The following HACE1 variants were observed in gnomAD, a reference collection of about 807,000 sequenced individuals.
HACE1 encodes the protein E3 ubiquitin-protein ligase HACE1.
Under a neutral mutation model 118.4 loss-of-function variants are expected in HACE1, and 73 were observed. That is an observed-to-expected ratio of 0.62 (90% CI 0.51 to 0.75). The LOEUF (loss-of-function observed/expected upper bound fraction) is 0.75. Ranked by LOEUF, HACE1 falls within the 30% of genes least tolerant of loss-of-function variation. The pLI, the probability that HACE1 is intolerant of heterozygous loss-of-function variation, is 0.00. For synonymous variants in HACE1, 368 were observed against 374.8 expected (o/e 0.98, Z 0.21); for missense variants, 749 against 1,102.2 (o/e 0.68, Z 4.54).
chr6:104,843,321 G>A lies in HACE1; in HGVS notation c.327-23C>T, dbSNP rs761034766. 1.4e-5 allele frequency: 15 copies of A among 1,072,430 alleles called. No individual in the cohort carries two copies. The Admixed American group carries it at 2.5e-4, about 18-fold the overall frequency. The allele number at this position is 1,072,430 out of a possible 1,614,324, so 66.4% of individuals were successfully genotyped here. On this transcript the variant is annotated intron_variant, in intron 4 of 23. Coordinates refer to ENST00000262903, the MANE Select transcript of HACE1 (RefSeq NM_020771.4). The stretch of plus-strand genomic sequence containing the variant: ...TGCCTGAAAAGAAAAAAGAGTCATG[G>A]ATAACTGGTACTTAAAAAATATATG...
Position 104,744,556 on chromosome 6 carries a change from T to G in HACE1, c.2398A>C (p.Thr800Pro). 6.2e-7 allele frequency: 1 copy of G among 1,606,128 alleles called. No individual in the cohort carries two copies. Among genetic ancestry groups the G allele is most frequent in the Non-Finnish European group, 8.5e-7 (1 of 1,172,848 alleles). The change falls in exon 21 of 24, where the codon ACA (threonine) becomes CCA (proline). Residue 800 changes from threonine (T) to proline (P), a missense_variant. Transcript: ENST00000262903. ...EIDVSDWIKN[T>P]EYTSGYERED... is the part of the protein sequence containing the mutation. ...CTTTCATAGCCACTTGTGTATTCTGTATTTTTTATCCAATCACTCACATCA... is the reference window on the plus strand; with the variant it reads ...CTTTCATAGCCACTTGTGTATTCTGGATTTTTTATCCAATCACTCACATCA...
At position 104,843,225 on chromosome 6, in the gene HACE1, C is replaced by T. The variant is rs779970264; in HGVS notation, c.400G>A (p.Ala134Thr). Reference sequence around the variant, plus strand: ...CAGATGAAATTGATAGCACTTACTGCTGTAAGGCCTTCATTATTACAAATG... The same window carrying T: ...CAGATGAAATTGATAGCACTTACTGTTGTAAGGCCTTCATTATTACAAATG... The part of the protein sequence containing the change: ...VNICNNEGLT[A>T]IHWLAVNGRT... Residue 134 changes from alanine (A) to threonine (T), a missense_variant and splice_region_variant, in exon 5 of 24, where the codon GCA becomes ACA. Physicochemically the swap from Ala to Thr is moderately conservative, Grantham distance 58. This residue lies in a region of HACE1 where 120 missense variants were observed against 219.1 expected (regional missense o/e 0.55). Coordinates refer to ENST00000262903, the MANE Select transcript of HACE1 (RefSeq NM_020771.4). The T allele has an allele frequency of 7.1e-7, 1 of 1,400,190 alleles. No individual in the cohort carries two copies. Among genetic ancestry groups the T allele is most frequent in the Non-Finnish European group, 1.0e-6 (1 of 985,070 alleles). 86.7% of individuals were successfully genotyped at this position (1,400,190 alleles called of 1,614,324 possible).
intron 22 of HACE1, among the ~76,000 whole-genome samples, chr6:104,743,056 G>T (rs369840051): frequency 1.3e-5 from 2 of 151,256 alleles, no homozygotes; most frequent in Admixed American, 6.6e-5. Flanking sequence ...GTAAACTATC[G>T]CAAGAACAAA....
Position 104,859,664 on chromosome 6 carries a change from C to T in HACE1, c.-22G>A, listed in dbSNP as rs1777120280. The T allele has an allele frequency of 6.5e-7, 1 of 1,527,312 alleles. No individual in the cohort carries two copies. The highest frequency in any genetic ancestry group is 1.4e-5 in the African/African-American group (1 of 70,380). The allele number at this position is 1,527,312 out of a possible 1,614,324, so 94.6% of individuals were successfully genotyped here. On this transcript the variant is annotated 5_prime_UTR_variant, in exon 1 of 24. Coordinates refer to ENST00000262903, the MANE Select transcript of HACE1 (RefSeq NM_020771.4). ...CCATCCTCGGCGCGCCCTCCGCGAT[C>T]CTCCGCGATCAGCCGCCCCACCGGC...
chr6:104,811,289 C>T (rs1241053452), intron 7 of HACE1, 22 bp downstream of exon 7: 2 of 742,284 alleles, frequency 2.7e-6, no homozygotes, highest in South Asian at 2.7e-5. Context: ...TATATAGCAT[C>T]TGGAAATATA....
intron 19 of HACE1, among the ~76,000 whole-genome samples, chr6:104,765,746 G>C (rs1468445170): frequency 5.9e-5 from 9 of 152,180 alleles, no homozygotes; most frequent in Non-Finnish European, 1.5e-5. Flanking sequence ...AGTGTTCACT[G>C]TTAGGCTGAC....
At chr6:104,744,761 T>A (rs1265953022) in intron 20 of HACE1, 151 bp from the exon 21 acceptor site, 5 of 626,044 alleles carry the variant, frequency 8.0e-6, no homozygotes, top group Non-Finnish European at 1.1e-5. Flanking sequence ...CAACAAGCAT[T>A]ACATGAGAGA....
chr6:104,785,904 G>A, intron 11 of HACE1: 1 of 152,050 alleles, frequency 6.6e-6, no homozygotes, highest in Middle Eastern at 3.2e-3. Context: ...ATAATTCCTA[G>A]AATTTGGATA....
At position 104,833,085 on chromosome 6, in the gene HACE1, C is replaced by T. The variant is rs769762375; in HGVS notation, c.491G>A (p.Gly164Glu). 2 of 1,613,310 alleles carry T rather than the reference C, an allele frequency of 1.2e-6. No individual in the cohort carries two copies. The highest frequency in any genetic ancestry group is 8.5e-7 in the Non-Finnish European group (1 of 1,179,218). Reference protein sequence around the residue: ...VSDVDVEDAMGQTALHVACQN... With the variant: ...VSDVDVEDAMEQTALHVACQN... Reference sequence around the variant, plus strand: ...GCAGGCAACATGCAGTGCTGTCTGCCCCATGGCATCCTCAACATCAACATC... The same window carrying T: ...GCAGGCAACATGCAGTGCTGTCTGCTCCATGGCATCCTCAACATCAACATC... Residue 164 changes from glycine (G) to glutamate (E), a missense_variant, in exon 6 of 24, where the codon GGG becomes GAG. Gly to Glu is a moderately conservative substitution (Grantham distance 98, BLOSUM62 -2). Transcript: ENST00000262903.
chr6:104,795,552 G>A, intron 10 of HACE1, 27 bp downstream of exon 10: 1 of 1,284,222 alleles, frequency 7.8e-7, no homozygotes, highest in South Asian at 1.2e-5. Context: ...GCTACCTATT[G>A]ATTTCCTCTT....
intron 6 of HACE1, among the ~76,000 whole-genome samples, chr6:104,830,837 T>C (rs953823191): frequency 6.6e-5 from 9 of 136,636 alleles, no homozygotes; most frequent in African/African-American, 1.2e-4. Context: ...AGCATGGGGG[T>C]TGTGACTTGC....
chr6:104,810,060 G>A (rs1334170091), intron 7 of HACE1, among the ~76,000 whole-genome samples: 1 of 152,006 alleles, frequency 6.6e-6, no homozygotes, highest in Non-Finnish European at 1.5e-5. Context: ...TAAACAGGCA[G>A]ATGGACATTC....
At chr6:104,804,571 T>C (rs902338988) in intron 7 of HACE1, among the ~76,000 whole-genome samples, 17 of 152,124 alleles carry the variant, frequency 1.1e-4, no homozygotes, top group Middle Eastern at 3.2e-3. Context: ...TCTATAACCA[T>C]CTGATCTTTG....
In HACE1 at chr6:104,785,317, A is replaced by T; in HGVS notation, c.1077T>A (p.Pro359=). ...CTAACGAGTGCCAAAGCAATTCCAGAGGCTGAGAGAAACAAAAGTGTTTTT... is the reference window on the plus strand; with the variant it reads ...CTAACGAGTGCCAAAGCAATTCCAGTGGCTGAGAGAAACAAAAGTGTTTTT... The part of the protein sequence containing the change: ...NKTPRSQVFK[P]LELLWHSLDE... Residue 359 remains proline, a splice_region_variant and synonymous_variant, in exon 12 of 24, where the codon CCT becomes CCA. Transcript: ENST00000262903. 3.2e-6 allele frequency: 5 copies of T among 1,574,848 alleles called. No individual in the cohort carries two copies. The highest frequency in any genetic ancestry group is 4.4e-6 in the Non-Finnish European group (5 of 1,145,168).
intron 7 of HACE1, among the ~76,000 whole-genome samples, chr6:104,801,916 G>A (rs1313438495): frequency 6.6e-6 from 1 of 151,790 alleles, no homozygotes; most frequent in African/African-American, 2.4e-5. Flanking sequence ...CTGGTAAACT[G>A]GATAAAGAGT....
intron 7 of HACE1, among the ~76,000 whole-genome samples, chr6:104,810,370 A>T (rs929171033): frequency 6.6e-6 from 1 of 152,088 alleles, no homozygotes; most frequent in African/African-American, 2.4e-5. Context: ...CAAGAAAAAA[A>T]GCAGGTCTTT....
chr6:104,823,804 C>T (rs1040088252), intron 6 of HACE1, among the ~76,000 whole-genome samples: 1 of 150,360 alleles, frequency 6.7e-6, no homozygotes, highest in African/African-American at 2.4e-5. Context: ...TTTGTAAAAG[C>T]TCTAAAATAG....
At chr6:104,740,556 C>T (rs945340586) in intron 22 of HACE1, among the ~76,000 whole-genome samples, 4 of 152,086 alleles carry the variant, frequency 2.6e-5, no homozygotes, top group East Asian at 1.9e-4. Flanking sequence ...ACTAGAAAAT[C>T]TAGAAGAAAT....
chr6:104,773,979 A>G lies in HACE1; in HGVS notation c.1865-1905T>C, dbSNP rs531560285. 3.3e-5 allele frequency among the ~76,000 whole-genome samples: 5 copies of G among 152,078 alleles called. No homozygotes were observed. In the South Asian group the frequency reaches 1.0e-3, roughly 32 times the overall value. ...TTTTCATGTAATAATAATAGCATATAATATTTATACTTTCTATATGCCAGG... is the reference window on the plus strand; with the variant it reads ...TTTTCATGTAATAATAATAGCATATGATATTTATACTTTCTATATGCCAGG... On this transcript the variant is annotated intron_variant, in intron 17 of 23. Coordinates refer to ENST00000262903, the MANE Select transcript of HACE1 (RefSeq NM_020771.4).
Sources: gnomAD v4.1 joint callset for allele counts (sites outside exome capture counted in the v4.1 genomes callset) on GRCh38, gnomAD v4.1.1 for gene constraint, gnomAD v4.1.1 regional missense constraint, MANE v1.5 for transcripts, NCBI Gene and HGNC (gene_info 2026-07-23, HGNC 2026-07-21) for gene names.